COX7B2: variants seen among roughly 807,000 people sequenced by gnomAD.
COX7B2 encodes cytochrome c oxidase subunit 7B2.
For missense variants in COX7B2, 109 were observed against 95.9 expected, an observed-to-expected ratio of 1.14 and a Z score of -0.57; for synonymous variants, 37 against 32.1, an observed-to-expected ratio of 1.15 and a Z score of -0.51.
Position 46,735,004 on chromosome 4 carries a change from T to C in COX7B2, c.189A>G (p.Ile63Met). ...TGCCAACAGGGGATAGGTTCCATTC[T>C]ATTCCAATCTGAGTGGCTGTAAACA... ...TWVFTATQIG[I>M]EWNLSPVGRV... Residue 63 changes from isoleucine to methionine, a missense_variant, in exon 3 of 3, where the codon ATA (isoleucine) becomes ATG (methionine). Coordinates refer to ENST00000355591, the MANE Select transcript of COX7B2 (RefSeq NM_130902.3). The C allele has an allele frequency of 1.4e-5, 22 of 1,614,088 alleles. No homozygotes were observed. Among genetic ancestry groups the C allele is most frequent in the Non-Finnish European group, 1.8e-5 (21 of 1,179,960 alleles).
chr4:46,838,647 T>C (rs1272885861), intron 2 of COX7B2, among the ~76,000 whole-genome samples: 1 of 152,046 alleles, frequency 6.6e-6, no homozygotes, highest in African/African-American at 2.4e-5. Context: ...ACAGTTTCTC[T>C]CAAGTGGGTG....
intron 2 of COX7B2, among the ~76,000 whole-genome samples, chr4:46,822,037 G>A (rs917102912): frequency 3.3e-5 from 5 of 152,102 alleles, no homozygotes; most frequent in Admixed American, 2.6e-4. Context: ...TCAGCCTCCT[G>A]AGTAGCTGGG....
chr4:46,876,555 C>G (rs1333283888), intron 1 of COX7B2: 1 of 152,004 alleles, frequency 6.6e-6, no homozygotes, highest in South Asian at 2.1e-4. Context: ...CAGGAGCCCA[C>G]GACCACGCTT....
chr4:46,854,487 C>G (rs939727336), intron 1 of COX7B2, among the ~76,000 whole-genome samples: 1 of 152,178 alleles, frequency 6.6e-6, no homozygotes, highest in Non-Finnish European at 1.5e-5. Flanking sequence ...CTGCATTGCA[C>G]AATGCAGACA....
At chr4:46,841,152 A>ATT in intron 2 of COX7B2, among the ~76,000 whole-genome samples, 1 of 152,106 alleles carries the variant, frequency 6.6e-6, no homozygotes, top group Non-Finnish European at 1.5e-5. Flanking sequence ...TTAACCTGAT[A>ATT]TTAGTTCTAT....
chr4:46,759,141 T>A (rs1206490051), intron 2 of COX7B2, among the ~76,000 whole-genome samples: 1 of 152,072 alleles, frequency 6.6e-6, no homozygotes, highest in Non-Finnish European at 1.5e-5. Flanking sequence ...TATACTTCTA[T>A]CCCAGATCTC....
At chr4:46,863,302 T>G (rs1451922291) in intron 1 of COX7B2, among the ~76,000 whole-genome samples, 1 of 152,164 alleles carries the variant, frequency 6.6e-6, no homozygotes, top group Non-Finnish European at 1.5e-5. Context: ...TCTTGTATGC[T>G]GAATTCTTGT....
In COX7B2 at chr4:46,812,003, C is replaced by A. The variant is rs144732369; in HGVS notation, c.-50+32957G>T. Among the ~76,000 whole-genome samples, 280 of 152,242 alleles carry A rather than the reference C, an allele frequency of 1.8e-3. 1 individual carries two copies. The highest frequency in any genetic ancestry group is 2.5e-3 in the Non-Finnish European group (173 of 68,012). On this transcript the variant is annotated intron_variant, in intron 2 of 2. Coordinates refer to ENST00000355591, the MANE Select transcript of COX7B2 (RefSeq NM_130902.3). The stretch of plus-strand genomic sequence containing the variant: ...TAGGGATCCTCTTATTCTTGTTTTT[C>A]TCACAGTGGGGAGTCTTAGCTGGGG...
intron 1 of COX7B2, among the ~76,000 whole-genome samples, chr4:46,849,903 T>C (rs994837659): frequency 1.3e-5 from 2 of 152,090 alleles, no homozygotes; most frequent in African/African-American, 4.8e-5. Context: ...TATGTTCATA[T>C]AACTACCATA....
intron 2 of COX7B2, among the ~76,000 whole-genome samples, chr4:46,830,045 G>A (rs930993971): frequency 1.3e-5 from 2 of 152,110 alleles, no homozygotes; most frequent in Non-Finnish European, 2.9e-5. Flanking sequence ...ATGGATAGAG[G>A]CCGGGCGCGG....
intron 1 of COX7B2, among the ~76,000 whole-genome samples, chr4:46,897,306 T>C (rs1490676778): frequency 1.3e-5 from 2 of 152,132 alleles, no homozygotes; most frequent in Non-Finnish European, 2.9e-5. Flanking sequence ...AGAAAGAAAA[T>C]GAATCGATAT....
rs142697964 is a variant in COX7B2 at position 46,769,863 on chromosome 4, T to C, written c.-49-34622A>G. ...GTTCCTCGAAAAAATAAAGACCATA[T>C]ACAATAAGCCCACAGCTAATATCAT... On this transcript the variant is annotated intron_variant, in intron 2 of 2. Transcript: ENST00000355591. Among the ~76,000 whole-genome samples the C allele has an allele frequency of 6.8e-3, 1,039 of 152,122 alleles. 11 individuals are homozygous for C. The highest frequency in any genetic ancestry group is 0.024 in the African/African-American group (996 of 41,516).
chr4:46,854,152 CATATGCATCA>C (rs1716868031), intron 1 of COX7B2, among the ~76,000 whole-genome samples: 1 of 152,234 alleles, frequency 6.6e-6, no homozygotes, highest in African/African-American at 2.4e-5. Flanking sequence ...TCTATATTAA[CATATGCATCA>C]ATATGTATCA....
intron 1 of COX7B2, among the ~76,000 whole-genome samples, chr4:46,892,006 T>A (rs1379176861): frequency 6.6e-6 from 1 of 152,170 alleles, no homozygotes; most frequent in African/African-American, 2.4e-5. Flanking sequence ...CTGTTGGGCA[T>A]CCTTCAGGAG....
chr4:46,881,014 C>T (rs913450444), intron 1 of COX7B2, among the ~76,000 whole-genome samples: 6 of 117,950 alleles, frequency 5.1e-5, no homozygotes, highest in Non-Finnish European at 1.1e-4. Flanking sequence ...AAAAAAAACT[C>T]TTGGATTCAT....
At chr4:46,739,965 A>G (rs1199456596) in intron 2 of COX7B2, among the ~76,000 whole-genome samples, 1 of 152,106 alleles carries the variant, frequency 6.6e-6, no homozygotes, top group Non-Finnish European at 1.5e-5. Context: ...CTGTTGAGTT[A>G]ACAATGAGAA....
rs189107367 is a variant in COX7B2 at position 46,830,907 on chromosome 4, G to A, written c.-50+14053C>T. On this transcript the variant is annotated intron_variant, in intron 2 of 2. Coordinates refer to ENST00000355591, the MANE Select transcript of COX7B2 (RefSeq NM_130902.3). ...GCCCTCGCAGCCTTTGCTCGCTCTT[G>A]GCGCCTCCTAGGCGTCGGCGCCCAC... Among the ~76,000 whole-genome samples, 838 of 152,342 alleles carry A rather than the reference G, an allele frequency of 5.5e-3. 10 individuals are homozygous for A. Among genetic ancestry groups the A allele is most frequent in the African/African-American group, 0.019 (810 of 41,598 alleles).
At chr4:46,755,255 C>T (rs1275598156) in intron 2 of COX7B2, among the ~76,000 whole-genome samples, 1 of 151,864 alleles carries the variant, frequency 6.6e-6, no homozygotes, top group Non-Finnish European at 1.5e-5. Flanking sequence ...TGATAAAAAT[C>T]CTCCTCAACA....
At chr4:46,850,920 A>G (rs1433428990) in intron 1 of COX7B2, among the ~76,000 whole-genome samples, 4 of 152,206 alleles carry the variant, frequency 2.6e-5, no homozygotes, top group East Asian at 1.9e-4. Context: ...GTGACATTCA[A>G]TGAGGACCGG....
Sources: allele counts gnomAD v4.1 joint callset (sites outside exome capture counted in the v4.1 genomes callset), GRCh38; gene constraint gnomAD v4.1.1; transcripts MANE v1.5; gene names NCBI Gene and HGNC (gene_info 2026-07-23, HGNC 2026-07-21).